The following ZBTB7A variants were observed in gnomAD, a reference collection of about 807,000 sequenced individuals.
ZBTB7A encodes the protein zinc finger and BTB domain containing 7A, also known as zinc finger and BTB domain-containing protein 7A.
Under a neutral mutation model 26.7 loss-of-function variants are expected in ZBTB7A, and 7 were observed. The ratio of observed to expected loss-of-function variants is 0.26; its 90% CI spans 0.15 to 0.49. The LOEUF is 0.49. Ranked by LOEUF, ZBTB7A falls within the 20% of genes least tolerant of loss-of-function variation. The probability of loss-of-function intolerance (pLI) is 0.98; values close to 1 mark genes in which losing one functional copy is unlikely to be tolerated. For missense variants in ZBTB7A, 617 were observed against 919.5 expected (o/e 0.67, Z 4.25); for synonymous variants, 452 against 441.0 (o/e 1.02, Z -0.31).
At position 4,047,782 on chromosome 19, in the gene ZBTB7A, G is replaced by A; in HGVS notation, c.1725C>T (p.Thr575=). The A allele has an allele frequency of 5.0e-6, 8 of 1,599,362 alleles. No homozygotes were observed. Among genetic ancestry groups the A allele is most frequent in the Non-Finnish European group, 6.8e-6 (8 of 1,173,770 alleles). The change falls in exon 3 of 3, where the codon ACC becomes ACT. Residue 575 remains threonine, a synonymous_variant. Transcript: ENST00000322357. ...CGAGTCCGGCTGTGAAGTTACCGTC[G>A]GTGGCGGCCCCGGGGCCACCTCCGC... is the stretch of plus-strand genomic sequence containing the variant. ...GDSGGGPGAA[T]DGNFTAGLA
chr19:4,066,482 C>A (rs1232210533), intron 1 of ZBTB7A, among the ~76,000 whole-genome samples, 200 bp downstream of exon 1: 1 of 151,488 alleles, frequency 6.6e-6, no homozygotes. Flanking sequence ...CCTTCCCGGG[C>A]GGCGCCCCCT....
rs916892837 is a variant in ZBTB7A, at chr19:4,047,678, G to T, written c.*74C>A. On this transcript the variant is annotated 3_prime_UTR_variant, in exon 3 of 3. Coordinates refer to ENST00000322357, the MANE Select transcript of ZBTB7A (RefSeq NM_015898.4). ...AGATTTTCTTTTTTTGTGTTTTTGG[G>T]GGGGTGGTGGGTGATTTTTTTTCTC... 4 of 1,516,628 alleles carry T rather than the reference G, an allele frequency of 2.6e-6. 1 individual carries two copies. Among genetic ancestry groups the T allele is most frequent in the Middle Eastern group, 3.8e-4 (2 of 5,242 alleles). 93.9% of individuals were successfully genotyped at this position (1,516,628 alleles called of 1,614,324 possible). A position where few individuals can be genotyped will look rare whatever the true frequency, so the allele number is the denominator to read the frequency against.
Position 4,048,600 on chromosome 19 carries a change from G to A in ZBTB7A, c.1263-356C>T, listed in dbSNP as rs2040455056. Among the ~76,000 whole-genome samples the A allele has an allele frequency of 6.6e-6, 1 of 152,046 alleles. No homozygotes were observed. The highest frequency in any genetic ancestry group is 2.1e-4 in the South Asian group (1 of 4,822). On this transcript the variant is annotated intron_variant, in intron 2 of 2. Coordinates refer to ENST00000322357, the MANE Select transcript of ZBTB7A (RefSeq NM_015898.4). The surrounding 1 kb of genome is among the most constrained non-coding windows in gnomAD (Gnocchi z 6.7). ...AATCCCAGCACTTTGGGAGGCCGAG[G>A]CGGGCGGATCACTTGAGGCCAGGAG...
rs752997299 is a variant in ZBTB7A, at chr19:4,048,027, G to C, written c.1480C>G (p.Pro494Ala). 2 of 1,512,872 alleles carry C rather than the reference G, an allele frequency of 1.3e-6. No individual in the cohort carries two copies. Among genetic ancestry groups the C allele is most frequent in the Non-Finnish European group, 1.8e-6 (2 of 1,128,186 alleles). The allele number at this position is 1,512,872 out of a possible 1,614,324, so 93.7% of individuals were successfully genotyped here. ...CGGGGCTTGCGGCCGCGGCGCGAGG[G>C]GACGCCGTTGCAGCCGTCTTTCTTG... Reference protein sequence around the residue: ...HLKKDGCNGVPSRRGRKPRVR... With the variant: ...HLKKDGCNGVASRRGRKPRVR... The change falls in exon 3 of 3, where the codon CCC becomes GCC. Residue 494 changes from proline to alanine, a missense_variant. Physicochemically the swap from Pro to Ala is conservative, Grantham distance 27. Coordinates refer to ENST00000322357, the MANE Select transcript of ZBTB7A (RefSeq NM_015898.4). The surrounding 1 kb of genome is among the most constrained non-coding windows in gnomAD (Gnocchi z 6.7).
rs893697789 is a variant in ZBTB7A, at chr19:4,043,856, C to G, written c.*3896G>C. ...CCAGCCACCCACCACCCCCCCCCCC[C>G]CACCTCCAGGAAGGCTGCTTCAACT... is the stretch of plus-strand genomic sequence containing the variant. On this transcript the variant is annotated 3_prime_UTR_variant, in exon 3 of 3. Transcript: ENST00000322357. Among the ~76,000 whole-genome samples, 2 of 144,890 alleles carry G rather than the reference C, an allele frequency of 1.4e-5. No homozygotes were observed. The highest frequency in any genetic ancestry group is 5.0e-5 in the African/African-American group (2 of 39,908).
rs368586825 is a variant in ZBTB7A at position 4,064,003 on chromosome 19, AAAACAAAC to A, written c.-16+2671_-16+2678del. ...GAGGGACTCAAGGAAAGAAAAGGAA[AAAACAAAC>A]AAACAAACAAACACCCAGCAGGGAT... On this transcript the variant is annotated intron_variant, in intron 1 of 2. Transcript: ENST00000322357. Among the ~76,000 whole-genome samples, 791 of 152,364 alleles carry A rather than the reference AAAACAAAC, an allele frequency of 5.2e-3. 1 individual carries two copies. The highest frequency in any genetic ancestry group is 9.7e-3 in the Non-Finnish European group (658 of 68,036).
chr19:4,049,469 G>A (rs866281135), intron 2 of ZBTB7A, among the ~76,000 whole-genome samples: 2 of 151,700 alleles, frequency 1.3e-5, no homozygotes. Context: ...CCGAGCGCCC[G>A]CTGAGGGCCA....
chr19:4,053,414 T>C (rs1177756851), intron 2 of ZBTB7A, among the ~76,000 whole-genome samples: 1 of 152,176 alleles, frequency 6.6e-6, no homozygotes, highest in East Asian at 1.9e-4. Context: ...TTTGCATGCA[T>C]GTGCATGTAT....
intron 2 of ZBTB7A, among the ~76,000 whole-genome samples, chr19:4,050,970 C>T (rs961976876): frequency 6.6e-6 from 1 of 151,566 alleles, no homozygotes; most frequent in Non-Finnish European, 1.5e-5. Flanking sequence ...TGGTGGTGGG[C>T]GCCTATAATC....
Position 4,053,938 on chromosome 19 carries a change from A to G in ZBTB7A, c.1262+33T>C, listed in dbSNP as rs994664879. The G allele has an allele frequency of 3.2e-6, 5 of 1,556,628 alleles. No homozygotes were observed. The Admixed American group carries it at 5.3e-5, about 16-fold the overall frequency. On this transcript the variant is annotated intron_variant, in intron 2 of 2. Coordinates refer to ENST00000322357, the MANE Select transcript of ZBTB7A (RefSeq NM_015898.4). ...AGCGGCGGATGCTGGGGCAGAGAGC[A>G]GGACGGCGCCTCCCCCGCGGCGGGC... is the stretch of plus-strand genomic sequence containing the variant.
intron 1 of ZBTB7A, among the ~76,000 whole-genome samples, chr19:4,064,968 A>G (rs2040676786): frequency 6.6e-6 from 1 of 151,254 alleles, no homozygotes; most frequent in Admixed American, 6.6e-5. Flanking sequence ...GCCTCCCAGA[A>G]CCCGCAGAGG....
Position 4,043,795 on chromosome 19 carries a change from G to C in ZBTB7A, c.*3957C>G. ...TAACTCTGAGGTTGTAGCTCCTGGG[G>C]CACCCCCAGCCTCCAGGCCCCTGAC... On this transcript the variant is annotated 3_prime_UTR_variant, in exon 3 of 3. Coordinates refer to ENST00000322357, the MANE Select transcript of ZBTB7A (RefSeq NM_015898.4). 7.8e-6 allele frequency among the ~76,000 whole-genome samples: 1 copy of C among 128,852 alleles called. No homozygotes were observed. The allele number at this position is 128,852 out of a possible 152,430, so 84.5% of individuals were successfully genotyped here. A position where few individuals can be genotyped will look rare whatever the true frequency, so the allele number is the denominator to read the frequency against.
Position 4,055,213 on chromosome 19 carries a change from C to A in ZBTB7A, c.20G>T (p.Gly7Val). Reference protein sequence around the residue: MAGGVDGPIGIPFPDHS... With the variant: MAGGVDVPIGIPFPDHS... ...GTCGGGGAACGGGATCCCGATGGGGCCGTCCACGCCGCCGGCCATCTTCCG... is the reference window on the plus strand; with the variant it reads ...GTCGGGGAACGGGATCCCGATGGGGACGTCCACGCCGCCGGCCATCTTCCG... The change falls in exon 2 of 3, where the codon GGC becomes GTC. Residue 7 changes from glycine to valine, a missense_variant. By Grantham distance (109) the Gly-to-Val change is moderately radical (BLOSUM62 -3). This residue lies in a region of ZBTB7A where 82 missense variants were observed against 195.2 expected (regional missense o/e 0.42). Coordinates refer to ENST00000322357, the MANE Select transcript of ZBTB7A (RefSeq NM_015898.4). 6.5e-7 allele frequency: 1 copy of A among 1,531,300 alleles called. No homozygotes were observed. The highest frequency in any genetic ancestry group is 8.8e-7 in the Non-Finnish European group (1 of 1,139,658). The allele number at this position is 1,531,300 out of a possible 1,614,324, so 94.9% of individuals were successfully genotyped here.
At position 4,048,303 on chromosome 19, in the gene ZBTB7A, C is replaced by T. The variant is rs997250304; in HGVS notation, c.1263-59G>A. ...GGGGCCGGGGACCCCCGATCCCCGC[C>T]CAGGGACCCTCACGGACACGGCAGG... On this transcript the variant is annotated intron_variant, in intron 2 of 2. Coordinates refer to ENST00000322357, the MANE Select transcript of ZBTB7A (RefSeq NM_015898.4). The surrounding 1 kb of genome is among the most constrained non-coding windows in gnomAD (Gnocchi z 6.7). The T allele has an allele frequency of 1.2e-5, 18 of 1,501,244 alleles. No individual in the cohort carries two copies. Among genetic ancestry groups the T allele is most frequent in the Admixed American group, 4.9e-5 (2 of 41,152 alleles). The allele number at this position is 1,501,244 out of a possible 1,614,324, so 93.0% of individuals were successfully genotyped here.
At chr19:4,060,463 T>C (rs960305449) in intron 1 of ZBTB7A, among the ~76,000 whole-genome samples, 14 of 152,218 alleles carry the variant, frequency 9.2e-5, no homozygotes, top group African/African-American at 3.4e-4. Flanking sequence ...TCACTTCGTC[T>C]TCCCCAGGTC....
intron 1 of ZBTB7A, among the ~76,000 whole-genome samples, chr19:4,060,615 C>T (rs2040628740): frequency 6.6e-6 from 1 of 152,170 alleles, no homozygotes; most frequent in Non-Finnish European, 1.5e-5. Context: ...CAGCAGATGT[C>T]GCCTAGGAAG....
chr19:4,043,857 C>G lies in ZBTB7A; in HGVS notation c.*3895G>C, dbSNP rs1010767548. On this transcript the variant is annotated 3_prime_UTR_variant, in exon 3 of 3. Transcript: ENST00000322357. ...CAGCCACCCACCACCCCCCCCCCCC[C>G]ACCTCCAGGAAGGCTGCTTCAACTT... is the stretch of plus-strand genomic sequence containing the variant. Among the ~76,000 whole-genome samples, 2 of 142,040 alleles carry G rather than the reference C, an allele frequency of 1.4e-5. No individual in the cohort carries two copies. Among genetic ancestry groups the G allele is most frequent in the Non-Finnish European group, 3.2e-5 (2 of 63,022 alleles). The allele number at this position is 142,040 out of a possible 152,430, so 93.2% of individuals were successfully genotyped here. A position where few individuals can be genotyped will look rare whatever the true frequency, so the allele number is the denominator to read the frequency against.
rs181732705 is a variant in ZBTB7A at position 4,064,857 on chromosome 19, C to T, written c.-16+1825G>A. ...CTCGCCGCCAACTCCTGGCTGCATT[C>T]CGCCAACATTTAGTGGGCGCCGACT... is the stretch of plus-strand genomic sequence containing the variant. On this transcript the variant is annotated intron_variant, in intron 1 of 2. Coordinates refer to ENST00000322357, the MANE Select transcript of ZBTB7A (RefSeq NM_015898.4). 3.5e-3 allele frequency among the ~76,000 whole-genome samples: 539 copies of T among 152,182 alleles called. 2 individuals are homozygous for T. The highest frequency in any genetic ancestry group is 0.012 in the African/African-American group (518 of 41,550).
In ZBTB7A at chr19:4,046,258, C is replaced by T. The variant is rs2040415091; in HGVS notation, c.*1494G>A. The T allele has an allele frequency of 5.1e-6, 2 of 393,698 alleles. No individual in the cohort carries two copies. Among genetic ancestry groups the T allele is most frequent in the Non-Finnish European group, 9.0e-6 (2 of 223,438 alleles). The allele number at this position is 393,698 out of a possible 1,614,324, so 24.4% of individuals were successfully genotyped here. A position where few individuals can be genotyped will look rare whatever the true frequency, so the allele number is the denominator to read the frequency against. On this transcript the variant is annotated 3_prime_UTR_variant, in exon 3 of 3. Transcript: ENST00000322357. ...GTGAAGCACAAACACCTCGGGGCGT[C>T]TCCCAGGTCCCCTGCGATGGCTTCC...
Sources: gnomAD v4.1 joint callset for allele counts (sites outside exome capture counted in the v4.1 genomes callset) on GRCh38, gnomAD v4.1.1 for gene constraint, gnomAD v4.1.1 regional missense constraint, Gnocchi (gnomAD v3.1) non-coding constraint, MANE v1.5 for transcripts, NCBI Gene and HGNC (gene_info 2026-07-23, HGNC 2026-07-21) for gene names.